LRP2BP: variants seen among roughly 807,000 people sequenced by gnomAD.
LRP2BP encodes LRP2 binding protein.
Under a neutral mutation model 45.2 loss-of-function variants are expected in LRP2BP, and 38 were observed. The ratio of observed to expected loss-of-function variants is 0.84; its 90% confidence interval spans 0.65 to 1.10. The LOEUF is 1.10. LRP2BP is among the 50% of genes least tolerant of loss of function. LRP2BP has a pLI of 0.00. For synonymous variants in LRP2BP, 153 were observed against 153.9 expected (o/e 0.99, Z 0.04); for missense variants, 385 against 418.9 (o/e 0.92, Z 0.71).
chr4:185,394,046 G>T (rs1179593063), intron 1 of LRP2BP, among the ~76,000 whole-genome samples: 1 of 152,132 alleles, frequency 6.6e-6, no homozygotes, highest in Admixed American at 6.5e-5. Flanking sequence ...ATCACTGGAG[G>T]TCAGGCGTTT....
chr4:185,370,041 T>A (rs934825264), intron 8 of LRP2BP: 10 of 175,764 alleles, frequency 5.7e-5, no homozygotes, highest in Admixed American at 2.5e-4. Context: ...TTTCTTTTTT[T>A]AAAAAAAATC....
At chr4:185,372,622 A>C (rs2095419712) in intron 7 of LRP2BP, among the ~76,000 whole-genome samples, 1 of 152,222 alleles carries the variant, frequency 6.6e-6, no homozygotes, top group African/African-American at 2.4e-5. Flanking sequence ...TGGGGCTCTT[A>C]AGAGGCGACG....
chr4:185,389,272 A>C (rs965510988), intron 1 of LRP2BP, among the ~76,000 whole-genome samples: 1 of 151,272 alleles, frequency 6.6e-6, no homozygotes, highest in Non-Finnish European at 1.5e-5. Flanking sequence ...GCAATGGCGC[A>C]ATCTTGGTTC....
intron 1 of LRP2BP, 61 bp from the exon 2 acceptor site, chr4:185,378,268 A>G (rs1483143222): frequency 1.3e-6 from 2 of 1,585,956 alleles, no homozygotes; most frequent in Admixed American, 1.8e-5. Context: ...GTGCAAAGAG[A>G]GACTCTATTC....
chr4:185,397,258 T>A, upstream of LRP2BP: 4 of 1,614,094 alleles, frequency 2.5e-6, no homozygotes, highest in Non-Finnish European at 3.4e-6. Flanking sequence ...CCTTGCTTGC[T>A]TTCTTCTCTG....
At chr4:185,374,564 G>A in intron 4 of LRP2BP, 103 bp from the exon 5 acceptor site, 6 of 1,217,366 alleles carry the variant, frequency 4.9e-6, no homozygotes, top group Admixed American at 2.2e-5. Context: ...CTGACACGAT[G>A]TATAATACTA....
At position 185,370,706 on chromosome 4, in the gene LRP2BP, T is replaced by C; in HGVS notation, c.912A>G (p.Ala304=). Residue 304 remains alanine (A), a synonymous_variant, in exon 8 of 9, where the codon GCA becomes GCG. Transcript: ENST00000505916. ...RGMAMASFYH[A]RCLQLGLGIT... ...TGCCCAAGCCAAGCTGAAGACACCT[T>C]GCGTGGTAGAAGGATGCCATTGCCA... 6.2e-7 allele frequency: 1 copy of C among 1,614,074 alleles called. No homozygotes were observed. Among genetic ancestry groups the C allele is most frequent in the Non-Finnish European group, 8.5e-7 (1 of 1,180,026 alleles).
At chr4:185,389,794 C>A (rs2095483370) in intron 1 of LRP2BP, among the ~76,000 whole-genome samples, 1 of 152,162 alleles carries the variant, frequency 6.6e-6, no homozygotes, top group Non-Finnish European at 1.5e-5. Context: ...CACATTTGGA[C>A]CCCTCTGACC....
intron 1 of LRP2BP, among the ~76,000 whole-genome samples, chr4:185,385,424 G>A (rs1352692558): frequency 1.3e-5 from 2 of 151,924 alleles, no homozygotes; most frequent in Non-Finnish European, 2.9e-5. Context: ...ACAAAATCAG[G>A]GTCGCAAAGA....
chr4:185,397,114 G>A (rs1239977758), upstream of LRP2BP: 4 of 1,611,746 alleles, frequency 2.5e-6, no homozygotes, highest in Non-Finnish European at 8.5e-7. Context: ...ACTGGACAAA[G>A]GTGGGAAGGG....
intron 1 of LRP2BP, chr4:185,378,864 A>G (rs1296076334): frequency 1.0e-6 from 1 of 985,334 alleles, no homozygotes; most frequent in East Asian, 1.1e-4. Context: ...ACTCCTTGGC[A>G]TTCCACTGTT....
intron 1 of LRP2BP, among the ~76,000 whole-genome samples, chr4:185,388,436 T>TCTATCTGCCTAC (rs1554020566): frequency 1.8e-4 from 3 of 16,758 alleles, no homozygotes; most frequent in Non-Finnish European, 5.9e-4. Flanking sequence ...TTACTATCTA[T>TCTATCTGCCTAC]CTACCTATCT....
At chr4:185,391,144 A>G (rs2095487329) in intron 1 of LRP2BP, among the ~76,000 whole-genome samples, 1 of 152,204 alleles carries the variant, frequency 6.6e-6, no homozygotes, top group Non-Finnish European at 1.5e-5. Flanking sequence ...ATCCTAAAGA[A>G]TGTCCCCAAT....
In LRP2BP at chr4:185,378,172, A is replaced by C. The variant is rs1259526839; in HGVS notation, c.15T>G (p.Ser5Arg). Reference protein sequence around the residue: MKLTSEKLPKNPFYA... With the variant: MKLTREKLPKNPFYA... The stretch of plus-strand genomic sequence containing the variant: ...AAAAGGGGTTCTTGGGCAACTTTTC[A>C]CTGGTCAACTTCATCCTTTTTCTGC... The change falls in exon 2 of 9, where the codon AGT becomes AGG. Residue 5 changes from serine (S) to arginine (R), a missense_variant. Ser to Arg is a moderately radical substitution (Grantham distance 110, BLOSUM62 -1). Transcript: ENST00000505916. 6 of 1,613,944 alleles carry C rather than the reference A, an allele frequency of 3.7e-6. No homozygotes were observed. The Admixed American group carries it at 5.0e-5, about 13-fold the overall frequency.
chr4:185,370,960 T>C (rs2095412745), intron 7 of LRP2BP, 146 bp from the exon 8 acceptor site: 1 of 775,142 alleles, frequency 1.3e-6, no homozygotes, highest in Non-Finnish European at 2.1e-6. Flanking sequence ...TGGGGAAGGG[T>C]CCATGTAGGC....
At chr4:185,382,065 C>T (rs187908866) in intron 1 of LRP2BP, among the ~76,000 whole-genome samples, 175 of 152,280 alleles carry the variant, frequency 1.1e-3, no homozygotes, top group Middle Eastern at 3.4e-3. Flanking sequence ...CACTAATCTA[C>T]TTTCTGTCTC....
intron 1 of LRP2BP, among the ~76,000 whole-genome samples, chr4:185,385,945 G>C (rs902125747): frequency 6.6e-6 from 1 of 150,474 alleles, no homozygotes; most frequent in Admixed American, 6.7e-5. Context: ...ATCTTATACT[G>C]TCAAGCTCAA....
intron 4 of LRP2BP, 31 bp downstream of exon 4, chr4:185,375,582 C>T: frequency 8.2e-7 from 1 of 1,218,728 alleles, no homozygotes; most frequent in Non-Finnish European, 1.1e-6. Context: ...ACAATGAAAT[C>T]TTAACCACTG....
chr4:185,397,015 C>T, upstream of LRP2BP: 1 of 1,611,054 alleles, frequency 6.2e-7, no homozygotes, highest in African/African-American at 1.3e-5. Flanking sequence ...GATTCGTCTT[C>T]TCGTTAATGC....
Sources: allele counts gnomAD v4.1 joint callset (sites outside exome capture counted in the v4.1 genomes callset), GRCh38; gene constraint gnomAD v4.1.1; transcripts MANE v1.5; gene names NCBI Gene and HGNC (gene_info 2026-07-23, HGNC 2026-07-21).